The following SAXO1 variants were observed in gnomAD, a reference collection of about 807,000 sequenced individuals.
SAXO1 encodes stabilizer of axonemal microtubules 1.
Under a neutral mutation model 17.5 loss-of-function variants are expected in SAXO1, and 21 were observed. The observed-to-expected ratio is 1.20, with a 90% CI of 0.85 to 1.72. SAXO1 has a LOEUF of 1.72. Among genes scored for constraint, SAXO1 ranks in the 40% most tolerant of loss-of-function variants. The probability of loss-of-function intolerance (pLI) is 0.00; values close to 1 mark genes in which losing one functional copy is unlikely to be tolerated. For synonymous variants in SAXO1, 274 were observed against 216.5 expected, an observed-to-expected ratio of 1.27 and a Z score of -2.33; for missense variants, 843 against 596.0, an observed-to-expected ratio of 1.41 and a Z score of -4.32.
At chr9:18,971,336 T>C (rs1409969409) in intron 1 of SAXO1, among the ~76,000 whole-genome samples, 1 of 152,130 alleles carries the variant, frequency 6.6e-6, no homozygotes, top group African/African-American at 2.4e-5. Flanking sequence ...TTCCAACAGA[T>C]AACCAAAATC....
chr9:18,930,704 G>T (rs1222285013), intron 3 of SAXO1, among the ~76,000 whole-genome samples: 2 of 152,126 alleles, frequency 1.3e-5, no homozygotes, highest in African/African-American at 4.8e-5. Flanking sequence ...TCTCCGTGTT[G>T]GTCAGGCTGG....
chr9:18,970,719 G>C (rs1223721200), intron 1 of SAXO1, among the ~76,000 whole-genome samples: 1 of 152,186 alleles, frequency 6.6e-6, no homozygotes, highest in Non-Finnish European at 1.5e-5. Flanking sequence ...TCTCCTTCAA[G>C]AGAATGTCCC....
At chr9:19,041,399 C>T (rs972497404) in intron 1 of SAXO1, among the ~76,000 whole-genome samples, 1 of 152,050 alleles carries the variant, frequency 6.6e-6, no homozygotes, top group Admixed American at 6.6e-5. Context: ...TAATGAAATC[C>T]TTATGAAAGT....
At chr9:19,018,351 G>C (rs1305246081) in intron 1 of SAXO1, among the ~76,000 whole-genome samples, 1 of 152,188 alleles carries the variant, frequency 6.6e-6, no homozygotes, top group African/African-American at 2.4e-5. Context: ...CTTGATTCAT[G>C]TAAGTGTCAG....
chr9:18,967,674 G>T (rs1854157), intron 1 of SAXO1, among the ~76,000 whole-genome samples: 82,566 of 152,094 alleles, frequency 0.54, 25,917 homozygotes, highest in Non-Finnish European at 0.7. Context: ...ATCTTAGCTT[G>T]TTGGGCTCCA....
chr9:18,969,780 G>C (rs2131789108), intron 1 of SAXO1, among the ~76,000 whole-genome samples: 1 of 152,320 alleles, frequency 6.6e-6, no homozygotes, highest in South Asian at 2.1e-4. Context: ...TCTTTCTGCA[G>C]CCCTGAGAGC....
intron 2 of SAXO1, among the ~76,000 whole-genome samples, chr9:18,942,317 G>A (rs1321259478): frequency 1.3e-5 from 2 of 151,962 alleles, no homozygotes; most frequent in Non-Finnish European, 1.5e-5. Flanking sequence ...AGCCTTTCTG[G>A]ACCTGGCTCC....
Position 18,953,337 on chromosome 9 carries a change from A to G in SAXO1, c.39-2400T>C, listed in dbSNP as rs181810205. Among the ~76,000 whole-genome samples, 30 of 152,316 alleles carry G rather than the reference A, an allele frequency of 2.0e-4. No individual in the cohort carries two copies. The East Asian group carries it at 4.0e-3, about 21-fold the overall frequency. On this transcript the variant is annotated intron_variant, in intron 1 of 3. Transcript: ENST00000380534. ...CTTTCCATATTGTTACTTTTAAAAA[A>G]TGTAACACACTCTAAGGATTTATTC... is the stretch of plus-strand genomic sequence containing the variant.
intron 3 of SAXO1, among the ~76,000 whole-genome samples, chr9:18,929,807 G>C (rs1830958586): frequency 1.3e-5 from 2 of 152,212 alleles, no homozygotes; most frequent in Non-Finnish European, 2.9e-5. Context: ...CACTTGGCTA[G>C]AAGTGGAAAA....
At chr9:18,961,763 G>C (rs1221154185) in intron 1 of SAXO1, among the ~76,000 whole-genome samples, 1 of 152,158 alleles carries the variant, frequency 6.6e-6, no homozygotes, top group East Asian at 1.9e-4. Flanking sequence ...TGGGTTCCAA[G>C]TCTTTGCTAT....
intron 1 of SAXO1, among the ~76,000 whole-genome samples, chr9:18,993,618 C>T (rs72696406): frequency 0.044 from 6,682 of 152,212 alleles, 215 homozygotes; most frequent in Middle Eastern, 0.085. Flanking sequence ...GCTTTTATTT[C>T]CATTCCAGAT....
intron 1 of SAXO1, among the ~76,000 whole-genome samples, chr9:19,000,984 T>C (rs531334775): frequency 6.6e-6 from 1 of 152,238 alleles, no homozygotes; most frequent in African/African-American, 2.4e-5. Flanking sequence ...CACACAATAA[T>C]AATGGAAGAC....
Position 18,941,969 on chromosome 9 carries a change from C to A in SAXO1, c.219-130G>T, listed in dbSNP as rs975576425. 1.5e-5 allele frequency: 12 copies of A among 789,678 alleles called. No individual in the cohort carries two copies. The African/African-American group carries it at 1.6e-4, about 10-fold the overall frequency. The allele number at this position is 789,678 out of a possible 1,614,324, so 48.9% of individuals were successfully genotyped here. On this transcript the variant is annotated intron_variant, in intron 2 of 3. Coordinates refer to ENST00000380534, the MANE Select transcript of SAXO1 (RefSeq NM_153707.4). ...ACTCTACCTGCCTTCCCTCCTCCCC[C>A]GAACTGTTTCTCCTCTATTTCCCAC...
At chr9:19,042,157 A>G (rs547613218) in intron 1 of SAXO1, among the ~76,000 whole-genome samples, 8 of 152,366 alleles carry the variant, frequency 5.3e-5, no homozygotes, top group Non-Finnish European at 1.0e-4. Flanking sequence ...TTCTCAAAAG[A>G]CAACATACAA....
intron 1 of SAXO1, among the ~76,000 whole-genome samples, chr9:19,028,369 C>G (rs1421878943): frequency 6.6e-6 from 1 of 152,032 alleles, no homozygotes; most frequent in Non-Finnish European, 1.5e-5. Context: ...GAGCGAGACT[C>G]CGTCTCAAAA....
At chr9:18,947,160 G>C (rs1299408373) in intron 2 of SAXO1, among the ~76,000 whole-genome samples, 2 of 152,208 alleles carry the variant, frequency 1.3e-5, no homozygotes, top group Non-Finnish European at 2.9e-5. Flanking sequence ...TCAGGCCCAG[G>C]CTATGGAGGC....
chr9:18,984,624 C>A (rs1156294352), intron 1 of SAXO1, among the ~76,000 whole-genome samples: 4 of 152,200 alleles, frequency 2.6e-5, no homozygotes, highest in African/African-American at 9.7e-5. Flanking sequence ...AGCTTCCTCA[C>A]CTCTTTCAGC....
chr9:18,995,155 A>G (rs1327186104), intron 1 of SAXO1, among the ~76,000 whole-genome samples: 1 of 152,198 alleles, frequency 6.6e-6, no homozygotes, highest in Non-Finnish European at 1.5e-5. Context: ...TCTCCCCCCA[A>G]AAATACCTTT....
In SAXO1 at chr9:19,040,925, A is replaced by G. The variant is rs1176480468; in HGVS notation, c.-158+8284T>C. Among the ~76,000 whole-genome samples the G allele has an allele frequency of 2.0e-5, 3 of 152,166 alleles. No homozygotes were observed. The East Asian group carries it at 5.8e-4, about 29-fold the overall frequency. ...TTTATAGAATTAAAATTATACCTCAATAAAGCATTAAAAAAATCTTGCAAA... is the reference window on the plus strand; with the variant it reads ...TTTATAGAATTAAAATTATACCTCAGTAAAGCATTAAAAAAATCTTGCAAA... On this transcript the variant is annotated intron_variant, in intron 1 of 3. Transcript: ENST00000542071.
Sources: allele counts gnomAD v4.1 joint callset (sites outside exome capture counted in the v4.1 genomes callset), GRCh38; gene constraint gnomAD v4.1.1; transcripts MANE v1.5; gene names NCBI Gene and HGNC (gene_info 2026-07-23, HGNC 2026-07-21).